MEF2A: variants seen among roughly 807,000 people sequenced by gnomAD.
MEF2A encodes the protein myocyte-specific enhancer factor 2A.
In MEF2A, 28 loss-of-function variants were observed where a neutral mutation model predicts 55.8. The observed-to-expected ratio is 0.50, with a 90% confidence interval of 0.37 to 0.69. The LOEUF (loss-of-function observed/expected upper bound fraction) is 0.69, where lower values mean the gene tolerates loss of function less well. Ranked by LOEUF, MEF2A falls within the 30% of genes least tolerant of loss-of-function variation. The pLI, the probability that MEF2A is intolerant of heterozygous loss-of-function variation, is 0.00. For synonymous variants in MEF2A, 239 were observed against 227.1 expected, an observed-to-expected ratio of 1.05 and a Z score of -0.47; for missense variants, 528 against 626.2, an observed-to-expected ratio of 0.84 and a Z score of 1.67.
intron 1 of MEF2A, among the ~76,000 whole-genome samples, chr15:99,596,124 C>G (rs1335202129): frequency 1.3e-5 from 2 of 151,892 alleles, no homozygotes; most frequent in African/African-American, 4.8e-5. Flanking sequence ...TACTTGAAAA[C>G]TAGGTACAAC....
rs940177843 is a variant in MEF2A, at chr15:99,598,866, G to A, written c.-143+355G>A. Among the ~76,000 whole-genome samples, 7 of 152,186 alleles carry A rather than the reference G, an allele frequency of 4.6e-5. No individual in the cohort carries two copies. In the East Asian group the frequency reaches 1.3e-3, roughly 29 times the overall value. ...CAGTTAATAGGATGAAGGGAGAGTTGGGGGACATGAGTTACATGAGCTGAG... is the reference window on the plus strand; with the variant it reads ...CAGTTAATAGGATGAAGGGAGAGTTAGGGGACATGAGTTACATGAGCTGAG... On this transcript the variant is annotated intron_variant, in intron 2 of 11. Transcript: ENST00000557942.
intron 10 of MEF2A, among the ~76,000 whole-genome samples, chr15:99,708,350 T>C (rs1027366597): frequency 2.0e-5 from 3 of 152,244 alleles, no homozygotes; most frequent in African/African-American, 7.2e-5. Context: ...GGTGTCAGAT[T>C]ATGGTTTACT....
chr15:99,710,866 GT>G (rs2058568396), intron 11 of MEF2A, 106 bp downstream of exon 11: 1 of 1,279,988 alleles, frequency 7.8e-7, no homozygotes, highest in Non-Finnish European at 1.1e-6. Flanking sequence ...GAGGAATCCT[GT>G]AATGATTCCT....
rs1182648424 is a variant in MEF2A, at chr15:99,662,478, C to CT, written c.259-8831dup. Among the ~76,000 whole-genome samples the CT allele has an allele frequency of 2.7e-3, 389 of 142,088 alleles. 1 individual carries two copies. Among genetic ancestry groups the CT allele is most frequent in the Middle Eastern group, 7.2e-3 (2 of 276 alleles). The allele number at this position is 142,088 out of a possible 152,430, so 93.2% of individuals were successfully genotyped here. On this transcript the variant is annotated intron_variant, in intron 4 of 11. Coordinates refer to ENST00000557942, the MANE Select transcript of MEF2A (RefSeq NM_001319206.4). ...CTTAAGACATGATTTCTTTTTTCCT[C>CT]TTTTTTTTTTTTTTGAGACAGAGTC... is the stretch of plus-strand genomic sequence containing the variant.
intron 10 of MEF2A, among the ~76,000 whole-genome samples, chr15:99,709,953 T>G (rs2058441455): frequency 6.6e-6 from 1 of 152,226 alleles, no homozygotes; most frequent in South Asian, 2.1e-4. Context: ...ATTCTGTCTT[T>G]CCTGTCCCCT....
At chr15:99,613,423 A>G (rs906060953) in intron 2 of MEF2A, among the ~76,000 whole-genome samples, 11 of 152,216 alleles carry the variant, frequency 7.2e-5, no homozygotes, top group Admixed American at 5.9e-4. Flanking sequence ...GAGAACCTCA[A>G]TCTAAACAAT....
intron 1 of MEF2A, among the ~76,000 whole-genome samples, chr15:99,594,439 C>G (rs1235603754): frequency 1.3e-5 from 2 of 148,264 alleles, no homozygotes; most frequent in Non-Finnish European, 3.0e-5. Flanking sequence ...TGGAAGCACT[C>G]CAAACCCTGT....
chr15:99,633,065 T>C lies in MEF2A; in HGVS notation c.-55T>C. ...CGATGCATTAGGGTATTGAAGAAAA[T>C]TAACTTTTGAATTAAATATTTGGAA... On this transcript the variant is annotated 5_prime_UTR_variant, in exon 3 of 12. Coordinates refer to ENST00000557942, the MANE Select transcript of MEF2A (RefSeq NM_001319206.4). The C allele has an allele frequency of 6.7e-7, 1 of 1,482,118 alleles. No individual in the cohort carries two copies. The highest frequency in any genetic ancestry group is 9.3e-7 in the Non-Finnish European group (1 of 1,080,180). The allele number at this position is 1,482,118 out of a possible 1,614,324, so 91.8% of individuals were successfully genotyped here.
rs759619706 is a variant in MEF2A at position 99,706,719 on chromosome 15, G to A, written c.883-10G>A. 2.5e-6 allele frequency: 4 copies of A among 1,611,662 alleles called. No homozygotes were observed. Among genetic ancestry groups the A allele is most frequent in the Non-Finnish European group, 3.4e-6 (4 of 1,177,976 alleles). ...CATCAGAACACATTTTCTCTTTTTTGATCTCACAGAATACCCAGAGGATCA... is the reference window on the plus strand; with the variant it reads ...CATCAGAACACATTTTCTCTTTTTTAATCTCACAGAATACCCAGAGGATCA... On this transcript the variant is annotated splice_polypyrimidine_tract_variant and intron_variant, in intron 9 of 11. Transcript: ENST00000557942.
At chr15:99,569,998 A>C (rs1277800453) in intron 1 of MEF2A, among the ~76,000 whole-genome samples, 1 of 151,766 alleles carries the variant, frequency 6.6e-6, no homozygotes, top group Non-Finnish European at 1.5e-5. Flanking sequence ...TAAGTACTAA[A>C]TTTTTATATA....
At chr15:99,632,932 T>G in intron 2 of MEF2A, 46 bp from the exon 3 acceptor site, 1 of 495,910 alleles carries the variant, frequency 2.0e-6, no homozygotes, top group Non-Finnish European at 3.6e-6. Flanking sequence ...TTACATGATT[T>G]GTAAACTTAC....
intron 8 of MEF2A, among the ~76,000 whole-genome samples, 193 bp from the exon 9 acceptor site, chr15:99,703,169 A>G (rs2057617790): frequency 6.6e-6 from 1 of 152,208 alleles, no homozygotes. Context: ...ATTTAAAATA[A>G]TTTTTCTAGT....
intron 3 of MEF2A, among the ~76,000 whole-genome samples, chr15:99,634,177 A>G (rs2043379120): frequency 6.6e-6 from 1 of 152,204 alleles, no homozygotes; most frequent in African/African-American, 2.4e-5. Context: ...CTGAGTAGTA[A>G]TTCACTGGAA....
chr15:99,569,888 A>T (rs974648072), intron 1 of MEF2A, among the ~76,000 whole-genome samples: 1 of 152,016 alleles, frequency 6.6e-6, no homozygotes, highest in African/African-American at 2.4e-5. Context: ...CTTATAATAA[A>T]TGGACCTTGT....
rs1445646006 is a variant in MEF2A at position 99,681,988 on chromosome 15, AT to A, written c.670+6534del. 3.9e-5 allele frequency: 6 copies of A among 152,336 alleles called. No homozygotes were observed. In the East Asian group the frequency reaches 9.6e-4, roughly 24 times the overall value. The allele number at this position is 152,336 out of a possible 1,614,324, so 9.4% of individuals were successfully genotyped here. On this transcript the variant is annotated intron_variant, in intron 7 of 11. Coordinates refer to ENST00000557942, the MANE Select transcript of MEF2A (RefSeq NM_001319206.4). ...TATTGAATAATCAGCTGAATGTCAA[AT>A]TTTATGAAAATTTTGCCAAATATGA... is the stretch of plus-strand genomic sequence containing the variant.
chr15:99,655,872 T>C (rs2047629334), intron 4 of MEF2A, among the ~76,000 whole-genome samples: 1 of 152,124 alleles, frequency 6.6e-6, no homozygotes, highest in Non-Finnish European at 1.5e-5. Context: ...ATAAAACAGT[T>C]AGGAAACTCT....
At chr15:99,679,930 C>A (rs1466551887) in intron 7 of MEF2A, among the ~76,000 whole-genome samples, 1 of 152,154 alleles carries the variant, frequency 6.6e-6, no homozygotes, top group Non-Finnish European at 1.5e-5. Flanking sequence ...AGACACTCAA[C>A]ACTCACATTC....
At chr15:99,658,940 G>T (rs1430748847) in intron 4 of MEF2A, among the ~76,000 whole-genome samples, 1 of 152,082 alleles carries the variant, frequency 6.6e-6, no homozygotes, top group African/African-American at 2.4e-5. Context: ...GATCTCTACA[G>T]TCTTCATGTG....
chr15:99,684,132 T>C (rs2053771748), intron 7 of MEF2A, among the ~76,000 whole-genome samples: 1 of 152,222 alleles, frequency 6.6e-6, no homozygotes, highest in South Asian at 2.1e-4. Flanking sequence ...TTGATGGGCA[T>C]TTGGGCTGGT....
Sources: allele counts gnomAD v4.1 joint callset (sites outside exome capture counted in the v4.1 genomes callset), GRCh38; gene constraint gnomAD v4.1.1; transcripts MANE v1.5; gene names NCBI Gene and HGNC (gene_info 2026-07-23, HGNC 2026-07-21).